Variants in RPAP2 observed in about 807,000 individuals in gnomAD.
The protein encoded by RPAP2 is putative RNA polymerase II subunit B1 CTD phosphatase RPAP2.
RPAP2 carries 52 observed loss-of-function variants against 73.1 expected under a neutral mutation model. The ratio of observed to expected loss-of-function variants is 0.71; its 90% CI spans 0.57 to 0.90. RPAP2 has a LOEUF of 0.90. Ranked by LOEUF, RPAP2 falls within the 40% of genes least tolerant of loss-of-function variation. The pLI, the probability that RPAP2 is intolerant of heterozygous loss-of-function variation, is 0.00. For synonymous variants in RPAP2, 225 were observed against 242.1 expected (o/e 0.93, Z 0.65); for missense variants, 598 against 701.8 (o/e 0.85, Z 1.67).
chr1:92,320,100 A>G (rs957677451), intron 6 of RPAP2, among the ~76,000 whole-genome samples: 8 of 152,178 alleles, frequency 5.3e-5, no homozygotes, highest in African/African-American at 1.4e-4. Flanking sequence ...TGTACAGACA[A>G]TGATGACTCT....
chr1:92,358,262 T>C (rs1571121296), intron 11 of RPAP2, among the ~76,000 whole-genome samples: 1 of 152,294 alleles, frequency 6.6e-6, no homozygotes, highest in East Asian at 1.9e-4. Context: ...TACCTTGTTC[T>C]CCCATTCCGG....
At chr1:92,340,092 CA>C (rs919794188) in intron 10 of RPAP2, among the ~76,000 whole-genome samples, 4 of 151,982 alleles carry the variant, frequency 2.6e-5, no homozygotes, top group African/African-American at 9.7e-5. Flanking sequence ...AAAATAAGCC[CA>C]AAAAAGTATG....
chr1:92,303,931 C>A, intron 3 of RPAP2, 46 bp from the exon 4 acceptor site: 1 of 1,356,950 alleles, frequency 7.4e-7, no homozygotes, highest in Non-Finnish European at 1.0e-6. Flanking sequence ...GATAAATGAA[C>A]TTTTCTATTA....
In RPAP2 at chr1:92,390,380, G is replaced by T. The variant is rs2101466209; in HGVS notation, c.*3369G>T. The T allele has an allele frequency of 6.6e-6, 1 of 152,202 alleles. No individual in the cohort carries two copies. The highest frequency in any genetic ancestry group is 2.1e-4 in the South Asian group (1 of 4,828). 9.4% of individuals were successfully genotyped at this position (152,202 alleles called of 1,614,324 possible). On this transcript the variant is annotated 3_prime_UTR_variant, in exon 13 of 13. Transcript: ENST00000610020. ...TGTCACCACCAGGCCTGCCTTACAA[G>T]AGCTCCTGAAGTAAGCACTAAAATG... is the stretch of plus-strand genomic sequence containing the variant.
intron 11 of RPAP2, among the ~76,000 whole-genome samples, chr1:92,379,437 TTTATAA>T (rs1463858926): frequency 1.3e-5 from 2 of 152,156 alleles, no homozygotes; most frequent in South Asian, 2.1e-4. Context: ...GTCTTTAATC[TTTATAA>T]TTAGAATAGA....
intron 6 of RPAP2, among the ~76,000 whole-genome samples, chr1:92,313,398 G>A (rs757380499): frequency 2.6e-5 from 4 of 151,922 alleles, no homozygotes; most frequent in Non-Finnish European, 4.4e-5. Flanking sequence ...GAGTTCTTGG[G>A]TGGCTAGGTA....
intron 11 of RPAP2, among the ~76,000 whole-genome samples, chr1:92,372,306 C>G (rs1380747906): frequency 2.0e-5 from 3 of 152,166 alleles, no homozygotes; most frequent in Non-Finnish European, 2.9e-5. Context: ...CAGGCCCAGC[C>G]CCTTGCTCTA....
In RPAP2 at chr1:92,323,536, T is replaced by C; in HGVS notation, c.616T>C (p.Ser206Pro). ...TAGCCACTTTGAAAAGCAATATGAA[T>C]CTAGTTCTTCTAGCACTCACAGTGA... Reference protein sequence around the residue: ...NPSHFEKQYESSSSSTHSDSS... With the variant: ...NPSHFEKQYEPSSSSTHSDSS... The change falls in exon 8 of 13, where the codon TCT becomes CCT. Residue 206 changes from serine (S) to proline (P), a missense_variant. Physicochemically the swap from Ser to Pro is moderately conservative, Grantham distance 74 (BLOSUM62 -1). Coordinates refer to ENST00000610020, the MANE Select transcript of RPAP2 (RefSeq NM_024813.3). 6.2e-7 allele frequency: 1 copy of C among 1,613,698 alleles called. No homozygotes were observed. Among genetic ancestry groups the C allele is most frequent in the South Asian group, 1.1e-5 (1 of 91,066 alleles).
chr1:92,330,764 A>G (rs1295728157), intron 8 of RPAP2, among the ~76,000 whole-genome samples: 1 of 152,064 alleles, frequency 6.6e-6, no homozygotes, highest in African/African-American at 2.4e-5. Context: ...TGGGTAGTCA[A>G]TTTTTAAAAA....
chr1:92,303,930 A>T (rs368423779), intron 3 of RPAP2, 47 bp from the exon 4 acceptor site: 1 of 1,313,626 alleles, frequency 7.6e-7, no homozygotes, highest in Admixed American at 1.9e-5. Context: ...TGATAAATGA[A>T]CTTTTCTATT....
intron 11 of RPAP2, among the ~76,000 whole-genome samples, chr1:92,377,175 G>A (rs1364428593): frequency 6.6e-6 from 1 of 152,094 alleles, no homozygotes; most frequent in Non-Finnish European, 1.5e-5. Context: ...AGGCTTTGAG[G>A]TGCAACTTGC....
At chr1:92,328,666 G>A (rs1428178215) in intron 8 of RPAP2, among the ~76,000 whole-genome samples, 1 of 152,080 alleles carries the variant, frequency 6.6e-6, no homozygotes, top group Non-Finnish European at 1.5e-5. Flanking sequence ...ATTTTGTCTT[G>A]GTTTGGATCC....
chr1:92,380,013 A>G (rs910239302), intron 11 of RPAP2, among the ~76,000 whole-genome samples: 2 of 150,854 alleles, frequency 1.3e-5, no homozygotes, highest in African/African-American at 4.9e-5. Flanking sequence ...TAATCCTAAC[A>G]CTTTGGGAGG....
chr1:92,309,852 T>C (rs1431264116), intron 6 of RPAP2, among the ~76,000 whole-genome samples: 2 of 151,674 alleles, frequency 1.3e-5, no homozygotes, highest in Non-Finnish European at 2.9e-5. Context: ...AAGATAACAA[T>C]AGGTAAATAA....
At chr1:92,367,459 G>C (rs1247859173) in intron 11 of RPAP2, among the ~76,000 whole-genome samples, 1 of 152,172 alleles carries the variant, frequency 6.6e-6, no homozygotes, top group Admixed American at 6.5e-5. Context: ...TTGAAGGTAT[G>C]GCTGTTTGAC....
rs1215243765 is a variant in RPAP2, at chr1:92,393,253, G to A, written c.*6242G>A. ...GGAAAAGATTCCCTATTTAATAAAT[G>A]GTGTTGGGAAAACGGGCTAGCCATA... On this transcript the variant is annotated 3_prime_UTR_variant, in exon 13 of 13. Transcript: ENST00000610020. The A allele has an allele frequency of 6.6e-6, 1 of 152,120 alleles. No individual in the cohort carries two copies. Among genetic ancestry groups the A allele is most frequent in the Non-Finnish European group, 1.5e-5 (1 of 68,022 alleles). 9.4% of individuals were successfully genotyped at this position (152,120 alleles called of 1,614,324 possible).
At chr1:92,299,685 A>G (rs1650659050) in intron 1 of RPAP2, among the ~76,000 whole-genome samples, 1 of 152,252 alleles carries the variant, frequency 6.6e-6, no homozygotes, top group Non-Finnish European at 1.5e-5. Context: ...CATTTTAACC[A>G]AGAAAAATTA....
intron 11 of RPAP2, among the ~76,000 whole-genome samples, chr1:92,346,801 C>A (rs1653927749): frequency 1.3e-5 from 2 of 152,072 alleles, no homozygotes; most frequent in Admixed American, 1.3e-4. Context: ...TAAAACTATT[C>A]AATAAGTGTA....
intron 10 of RPAP2, 40 bp downstream of exon 10, chr1:92,336,467 G>C (rs565442306): frequency 7.2e-7 from 1 of 1,383,088 alleles, no homozygotes; most frequent in African/African-American, 1.4e-5. Context: ...CAATTATTTT[G>C]ACTTTATTTA....
Sources: gnomAD v4.1 joint callset for allele counts (sites outside exome capture counted in the v4.1 genomes callset) on GRCh38, gnomAD v4.1.1 for gene constraint, MANE v1.5 for transcripts, NCBI Gene and HGNC (gene_info 2026-07-23, HGNC 2026-07-21) for gene names.